The following VXN variants were observed in gnomAD, a reference collection of about 807,000 sequenced individuals.
The protein encoded by VXN is vexin.
In VXN, 7 loss-of-function variants were observed where a neutral mutation model predicts 23.1. The observed-to-expected ratio is 0.30, with a 90% confidence interval of 0.17 to 0.57. VXN has a LOEUF of 0.57. Ranked by LOEUF, VXN falls within the 20% of genes least tolerant of loss-of-function variation. The probability of loss-of-function intolerance (pLI) is 0.91; values close to 1 mark genes in which losing one functional copy is unlikely to be tolerated. For synonymous variants in VXN, 120 were observed against 105.8 expected, an observed-to-expected ratio of 1.13 and a Z score of -0.83; for missense variants, 238 against 272.6, an observed-to-expected ratio of 0.87 and a Z score of 0.89.
At chr8:66,496,396 T>C in intron 1 of VXN, 41 bp from the exon 2 acceptor site, 1 of 1,597,436 alleles carries the variant, frequency 6.3e-7, no homozygotes, top group South Asian at 1.1e-5. Context: ...TCAGCCTCGC[T>C]GATGTTGTCT....
chr8:66,504,136 C>A (rs865948968), intron 2 of VXN, among the ~76,000 whole-genome samples: 1 of 152,138 alleles, frequency 6.6e-6, no homozygotes, highest in Non-Finnish European at 1.5e-5. Context: ...CCTCCCCATT[C>A]TCCCTCCCCA....
intron 2 of VXN, 51 bp from the exon 3 acceptor site, chr8:66,505,324 C>A (rs376124809): frequency 3.7e-5 from 57 of 1,557,380 alleles, no homozygotes; most frequent in Non-Finnish European, 4.7e-5. Flanking sequence ...TTCCATGGGT[C>A]CCTAGGCCCG....
intron 2 of VXN, chr8:66,501,208 A>T (rs558929801): frequency 1.3e-5 from 2 of 152,296 alleles, no homozygotes; most frequent in African/African-American, 4.8e-5. Context: ...GTGTAGTAAA[A>T]ATACAGAATA....
At position 66,505,526 on chromosome 8, in the gene VXN, C is replaced by A. The variant is rs758319558; in HGVS notation, c.278C>A (p.Pro93His). Residue 93 changes from proline (P) to histidine (H), a missense_variant and splice_region_variant, in exon 3 of 6, where the codon CCC becomes CAC. Physicochemically the swap from Pro to His is moderately conservative, Grantham distance 77 (BLOSUM62 -2). Around this residue, in one of 2 missense-constraint regions of VXN, gnomAD observed 223 missense variants for 236.9 expected, o/e 0.94. Coordinates refer to ENST00000305454, the MANE Select transcript of VXN (RefSeq NM_152765.4). ...TAHPAKASAR[P>H]VGISEPKTSN... is the part of the protein sequence containing the mutation. ...CACCCGGCCAAAGCCTCTGCCAGACCCGGTACGTGAGTCCCGGCCCCAGCT... is the reference window on the plus strand; with the variant it reads ...CACCCGGCCAAAGCCTCTGCCAGACACGGTACGTGAGTCCCGGCCCCAGCT... 2.0e-6 allele frequency: 3 copies of A among 1,507,468 alleles called. No individual in the cohort carries two copies. The highest frequency in any genetic ancestry group is 2.3e-5 in the East Asian group (1 of 42,948). The allele number at this position is 1,507,468 out of a possible 1,614,324, so 93.4% of individuals were successfully genotyped here. A position where few individuals can be genotyped will look rare whatever the true frequency, so the allele number is the denominator to read the frequency against.
chr8:66,510,858 T>C (rs996542266), intron 4 of VXN, among the ~76,000 whole-genome samples: 1 of 152,164 alleles, frequency 6.6e-6, no homozygotes, highest in African/African-American at 2.4e-5. Context: ...CATCTAAACC[T>C]AATCACCTCC....
intron 2 of VXN, among the ~76,000 whole-genome samples, chr8:66,499,293 C>T (rs1481994692): frequency 2.2e-5 from 3 of 135,580 alleles, no homozygotes; most frequent in African/African-American, 5.7e-5. Flanking sequence ...AGTGCAGTGG[C>T]GTGGTCTCGG....
intron 3 of VXN, among the ~76,000 whole-genome samples, chr8:66,508,290 C>T (rs768393363): frequency 2.6e-5 from 4 of 152,152 alleles, no homozygotes; most frequent in African/African-American, 7.2e-5. Flanking sequence ...CTGGCTCCCA[C>T]TCCCTTCATC....
intron 4 of VXN, among the ~76,000 whole-genome samples, chr8:66,511,179 C>A (rs1807819778): frequency 6.6e-6 from 1 of 152,122 alleles, no homozygotes; most frequent in Admixed American, 6.5e-5. Flanking sequence ...ATTTTCAGGC[C>A]TATCAGTACA....
Position 66,516,140 on chromosome 8 carries a change from G to A in VXN, c.*64G>A. 1 of 1,445,778 alleles carries A rather than the reference G, an allele frequency of 6.9e-7. No individual in the cohort carries two copies. Among genetic ancestry groups the A allele is most frequent in the Non-Finnish European group, 9.2e-7 (1 of 1,088,560 alleles). 89.6% of individuals were successfully genotyped at this position (1,445,778 alleles called of 1,614,324 possible). ...CCCCGGACAAGAGGAAAAACCTTCA[G>A]GATTGAAACTGAGCCACACGCACCT... is the stretch of plus-strand genomic sequence containing the variant. On this transcript the variant is annotated 3_prime_UTR_variant, in exon 6 of 6. Transcript: ENST00000305454.
chr8:66,500,868 A>ATTTT (rs1172553891), intron 2 of VXN, among the ~76,000 whole-genome samples: 12 of 114,152 alleles, frequency 1.1e-4, no homozygotes, highest in Non-Finnish European at 1.4e-4. Context: ...AAAGGACATG[A>ATTTT]TTTTTTTTTT....
chr8:66,516,132 A>G lies in VXN; in HGVS notation c.*56A>G. On this transcript the variant is annotated 3_prime_UTR_variant, in exon 6 of 6. Coordinates refer to ENST00000305454, the MANE Select transcript of VXN (RefSeq NM_152765.4). The stretch of plus-strand genomic sequence containing the variant: ...CCAAGGTTCCCCGGACAAGAGGAAA[A>G]ACCTTCAGGATTGAAACTGAGCCAC... 1.4e-6 allele frequency: 2 copies of G among 1,480,752 alleles called. No individual in the cohort carries two copies. The highest frequency in any genetic ancestry group is 1.8e-6 in the Non-Finnish European group (2 of 1,114,002). The allele number at this position is 1,480,752 out of a possible 1,614,324, so 91.7% of individuals were successfully genotyped here. A position where few individuals can be genotyped will look rare whatever the true frequency, so the allele number is the denominator to read the frequency against.
intron 3 of VXN, 67 bp from the exon 4 acceptor site, chr8:66,510,029 T>G (rs1267547965): frequency 7.0e-7 from 1 of 1,436,580 alleles, no homozygotes; most frequent in Non-Finnish European, 9.8e-7. Context: ...AGGTAATTGA[T>G]GCAGGGCCAG....
intron 2 of VXN, among the ~76,000 whole-genome samples, chr8:66,497,353 A>G (rs922272239): frequency 3.3e-5 from 5 of 152,206 alleles, no homozygotes; most frequent in Non-Finnish European, 5.9e-5. Context: ...GATTTGCTCA[A>G]ACTAGTTCTT....
chr8:66,512,887 G>T (rs945617937), intron 4 of VXN, among the ~76,000 whole-genome samples: 1 of 152,212 alleles, frequency 6.6e-6, no homozygotes, highest in African/African-American at 2.4e-5. Context: ...GCCGAGCTGC[G>T]TAGATAGAGG....
chr8:66,514,923 C>T (rs1245913325), intron 5 of VXN, among the ~76,000 whole-genome samples: 1 of 152,156 alleles, frequency 6.6e-6, no homozygotes, highest in Non-Finnish European at 1.5e-5. Context: ...CAAGAACAGG[C>T]TAGTGGGGAG....
rs762573974 is a variant in VXN at position 66,497,029 on chromosome 8, C to T, written c.126+537C>T. On this transcript the variant is annotated intron_variant, in intron 2 of 5. Coordinates refer to ENST00000305454, the MANE Select transcript of VXN (RefSeq NM_152765.4). ...CCTCCCAAGTAGCTGGGACTACAGG[C>T]GCACGCCAGCACGCCTGGCTAATTT... Among the ~76,000 whole-genome samples the T allele has an allele frequency of 5.9e-5, 9 of 152,210 alleles. No individual in the cohort carries two copies. In the South Asian group the frequency reaches 6.2e-4, roughly 11 times the overall value.
At chr8:66,501,382 T>C (rs1203649865) in intron 2 of VXN, 1 of 152,182 alleles carries the variant, frequency 6.6e-6, no homozygotes, top group African/African-American at 2.4e-5. Context: ...AAAATTTGAT[T>C]GTAGGGCAAC....
chr8:66,512,086 A>T (rs887296862), intron 4 of VXN, among the ~76,000 whole-genome samples: 1 of 151,494 alleles, frequency 6.6e-6, no homozygotes, highest in Admixed American at 6.6e-5. Flanking sequence ...AAAAAAAAGA[A>T]TGAAGAGGAA....
intron 4 of VXN, among the ~76,000 whole-genome samples, chr8:66,512,078 A>T (rs1264541848): frequency 6.6e-6 from 1 of 151,772 alleles, no homozygotes; most frequent in Non-Finnish European, 1.5e-5. Context: ...AAAAAAAAAA[A>T]AAAAAGAATG....
Sources: allele counts gnomAD v4.1 joint callset (sites outside exome capture counted in the v4.1 genomes callset), GRCh38; gene constraint gnomAD v4.1.1; regional missense constraint gnomAD v4.1.1; transcripts MANE v1.5; gene names NCBI Gene and HGNC (gene_info 2026-07-23, HGNC 2026-07-21).